Variants in ZBED4 observed in about 807,000 individuals in gnomAD.
ZBED4 encodes zinc finger BED domain-containing protein 4.
In ZBED4, 4 loss-of-function variants were observed where a neutral mutation model predicts 15.5. The observed-to-expected ratio is 0.26, with a 90% CI of 0.13 to 0.59. The LOEUF is 0.59. Ranked by LOEUF, ZBED4 falls within the 20% of genes least tolerant of loss-of-function variation. The probability of loss-of-function intolerance (pLI) is 0.90; values close to 1 mark genes in which losing one functional copy is unlikely to be tolerated. For synonymous variants in ZBED4, 692 were observed against 608.5 expected (o/e 1.14, Z -2.02); for missense variants, 1,323 against 1,461.8 (o/e 0.91, Z 1.55).
chr22:49,889,422 A>G lies in ZBED4; in HGVS notation c.*2244A>G, dbSNP rs765270997. ...CTCACTGTTTGGCCCTTTCCAGAATAGCAAGTTTGCTGGCCCTTGAGCTAG... is the reference window on the plus strand; with the variant it reads ...CTCACTGTTTGGCCCTTTCCAGAATGGCAAGTTTGCTGGCCCTTGAGCTAG... On this transcript the variant is annotated 3_prime_UTR_variant, in exon 2 of 2. Coordinates refer to ENST00000216268, the MANE Select transcript of ZBED4 (RefSeq NM_014838.3). 1 of 167,086 alleles carries G rather than the reference A, an allele frequency of 6.0e-6. No homozygotes were observed. The highest frequency in any genetic ancestry group is 1.5e-5 in the Non-Finnish European group (1 of 68,124). The allele number at this position is 167,086 out of a possible 1,614,324, so 10.4% of individuals were successfully genotyped here. A position where few individuals can be genotyped will look rare whatever the true frequency, so the allele number is the denominator to read the frequency against.
chr22:49,885,264 C>A lies in ZBED4; in HGVS notation c.1602C>A (p.Ser534=). 2 of 1,599,178 alleles carry A rather than the reference C, an allele frequency of 1.3e-6. No individual in the cohort carries two copies. Among genetic ancestry groups the A allele is most frequent in the South Asian group, 2.2e-5 (2 of 89,960 alleles). Residue 534 remains serine, a synonymous_variant, in exon 2 of 2, where the codon TCC becomes TCA. Coordinates refer to ENST00000216268, the MANE Select transcript of ZBED4 (RefSeq NM_014838.3). The part of the protein sequence containing the change: ...PYATLASAES[S]SSKLTDLPTV... Reference sequence around the variant, plus strand: ...CCACTTTGGCCTCTGCAGAAAGTTCCTCTTCCAAATTGACTGACTTGCCAA... The same window carrying A: ...CCACTTTGGCCTCTGCAGAAAGTTCATCTTCCAAATTGACTGACTTGCCAA...
At chr22:49,867,402 C>T (rs955263954) in intron 1 of ZBED4, among the ~76,000 whole-genome samples, 1 of 152,204 alleles carries the variant, frequency 6.6e-6, no homozygotes, top group Non-Finnish European at 1.5e-5. Context: ...CACTGCGGTG[C>T]ATCCACTGGG....
At chr22:49,877,788 CCTGA>C (rs1472127561) in intron 1 of ZBED4, among the ~76,000 whole-genome samples, 2 of 152,164 alleles carry the variant, frequency 1.3e-5, no homozygotes, top group Non-Finnish European at 2.9e-5. Flanking sequence ...ACACATCCCT[CCTGA>C]CTGTGTCTTC....
Position 49,855,581 on chromosome 22 carries a change from G to GGT in ZBED4, c.-330+1609_-330+1610dup, listed in dbSNP as rs143552178. On this transcript the variant is annotated intron_variant, in intron 1 of 1. Transcript: ENST00000216268. ...CTGAGAAGCAGCTTCTTTAGCGAAA[G>GGT]GTGTGTGTGTGTGTGTGTCTCAGAT... is the stretch of plus-strand genomic sequence containing the variant. 2.8e-3 allele frequency among the ~76,000 whole-genome samples: 431 copies of GGT among 151,688 alleles called. 1 individual carries two copies. The highest frequency in any genetic ancestry group is 0.01 in the Middle Eastern group (3 of 290).
intron 1 of ZBED4, among the ~76,000 whole-genome samples, chr22:49,863,926 A>G (rs1338381587): frequency 6.6e-6 from 1 of 152,206 alleles, no homozygotes; most frequent in African/African-American, 2.4e-5. Context: ...AGCCCCTACA[A>G]GCTGGCTCCT....
At chr22:49,855,393 T>G (rs2060270864) in intron 1 of ZBED4, among the ~76,000 whole-genome samples, 1 of 152,132 alleles carries the variant, frequency 6.6e-6, no homozygotes, top group African/African-American at 2.4e-5. Context: ...GTGGTTGATG[T>G]TGTTGGATGT....
At position 49,885,452 on chromosome 22, in the gene ZBED4, C is replaced by T; in HGVS notation, c.1790C>T (p.Thr597Ile). The T allele has an allele frequency of 1.9e-6, 3 of 1,611,576 alleles. No homozygotes were observed. The highest frequency in any genetic ancestry group is 2.5e-6 in the Non-Finnish European group (3 of 1,177,822). The change falls in exon 2 of 2, where the codon ACC (threonine) becomes ATC (isoleucine). Residue 597 changes from threonine to isoleucine, a missense_variant. Physicochemically the swap from Thr to Ile is moderately conservative, Grantham distance 89. Coordinates refer to ENST00000216268, the MANE Select transcript of ZBED4 (RefSeq NM_014838.3). ...SRGKKPTNLG[T>I]SCLLRHLQRF... Reference sequence around the variant, plus strand: ...GGGAAGAAGCCGACTAACTTGGGTACCAGCTGTCTTCTGAGACATTTACAG... The same window carrying T: ...GGGAAGAAGCCGACTAACTTGGGTATCAGCTGTCTTCTGAGACATTTACAG...
In ZBED4 at chr22:49,888,098, A is replaced by G. The variant is rs1158556588; in HGVS notation, c.*920A>G. ...CTTATTAACAGGGAAGAAGCTTGTTATATTCCAGTTGTAAGAATAGCCTTA... is the reference window on the plus strand; with the variant it reads ...CTTATTAACAGGGAAGAAGCTTGTTGTATTCCAGTTGTAAGAATAGCCTTA... On this transcript the variant is annotated 3_prime_UTR_variant, in exon 2 of 2. Transcript: ENST00000216268. 1 of 167,264 alleles carries G rather than the reference A, an allele frequency of 6.0e-6. No individual in the cohort carries two copies. Among genetic ancestry groups the G allele is most frequent in the Non-Finnish European group, 1.5e-5 (1 of 68,122 alleles). 10.4% of individuals were successfully genotyped at this position (167,264 alleles called of 1,614,324 possible). A position where few individuals can be genotyped will look rare whatever the true frequency, so the allele number is the denominator to read the frequency against.
Position 49,887,278 on chromosome 22 carries a change from C to T in ZBED4, c.*100C>T. On this transcript the variant is annotated 3_prime_UTR_variant, in exon 2 of 2. Transcript: ENST00000216268. Reference sequence around the variant, plus strand: ...CTCTGCCCACGGCTGTGTACGACATCAGACCAGGCACTCTCAGGGCCGCTC... The same window carrying T: ...CTCTGCCCACGGCTGTGTACGACATTAGACCAGGCACTCTCAGGGCCGCTC... 2.3e-6 allele frequency: 3 copies of T among 1,303,306 alleles called. No homozygotes were observed. Among genetic ancestry groups the T allele is most frequent in the Non-Finnish European group, 3.2e-6 (3 of 946,988 alleles). The allele number at this position is 1,303,306 out of a possible 1,614,324, so 80.7% of individuals were successfully genotyped here.
In ZBED4 at chr22:49,886,225, A is replaced by G; in HGVS notation, c.2563A>G (p.Lys855Glu). 1 of 881,886 alleles carries G rather than the reference A, an allele frequency of 1.1e-6. No individual in the cohort carries two copies. The highest frequency in any genetic ancestry group is 1.8e-6 in the Non-Finnish European group (1 of 545,196). 54.6% of individuals were successfully genotyped at this position (881,886 alleles called of 1,614,324 possible). The change falls in exon 2 of 2, where the codon AAG becomes GAG. Residue 855 changes from lysine to glutamate, a missense_variant. Physicochemically the swap from Lys to Glu is moderately conservative, Grantham distance 56. Transcript: ENST00000216268. This position sits in a 1 kb window ranked among gnomAD's most constrained non-coding sequence, Gnocchi z 7.7. The part of the protein sequence containing the change: ...MVQNLLSLAR[K>E]ICERVHRSPK... ...GCAGAACCTGCTGAGCCTCGCCCGG[A>G]AGATCTGCGAGCGGGTGCACCGGTC...
chr22:49,871,342 T>G (rs2060346442), intron 1 of ZBED4, among the ~76,000 whole-genome samples: 1 of 151,992 alleles, frequency 6.6e-6, no homozygotes, highest in Admixed American at 6.6e-5. Context: ...CAAAATTAGC[T>G]GGGTGTGGTG....
chr22:49,863,366 C>T lies in ZBED4; in HGVS notation c.-330+9377C>T, dbSNP rs140322047. Among the ~76,000 whole-genome samples the T allele has an allele frequency of 7.0e-3, 1,066 of 152,330 alleles. 9 individuals are homozygous for T. The highest frequency in any genetic ancestry group is 0.024 in the African/African-American group (996 of 41,580). ...TTTGTAGGCCGGGTGTGGTGGCTCA[C>T]GCCTGTAATCCCAGCACTTTGGGAG... On this transcript the variant is annotated intron_variant, in intron 1 of 1. Transcript: ENST00000216268.
chr22:49,860,715 C>T (rs2060293046), intron 1 of ZBED4, among the ~76,000 whole-genome samples: 1 of 151,196 alleles, frequency 6.6e-6, no homozygotes, highest in African/African-American at 2.4e-5. Flanking sequence ...AAATAATTAC[C>T]TGTTATAAAG....
intron 1 of ZBED4, among the ~76,000 whole-genome samples, chr22:49,860,747 C>T (rs563792794): frequency 1.3e-5 from 2 of 151,286 alleles, no homozygotes; most frequent in Non-Finnish European, 2.9e-5. Context: ...ATAAAAGCTA[C>T]CTTTCTTATC....
Position 49,885,848 on chromosome 22 carries a change from A to G in ZBED4, c.2186A>G (p.His729Arg). ...AAGGAAGCTGAGAGTGGTGTGATCC[A>G]CTTCACGTCTGGAATATGGATGAGT... Reference protein sequence around the residue: ...HLKEAESGVIHFTSGIWMSNQ... With the variant: ...HLKEAESGVIRFTSGIWMSNQ... The change falls in exon 2 of 2, where the codon CAC becomes CGC. Residue 729 changes from histidine to arginine, a missense_variant. Transcript: ENST00000216268. The G allele has an allele frequency of 6.8e-7, 1 of 1,474,812 alleles. No homozygotes were observed. The allele number at this position is 1,474,812 out of a possible 1,614,324, so 91.4% of individuals were successfully genotyped here.
chr22:49,855,454 CAGTG>C (rs2060271213), intron 1 of ZBED4, among the ~76,000 whole-genome samples: 1 of 152,194 alleles, frequency 6.6e-6, no homozygotes, highest in African/African-American at 2.4e-5. Flanking sequence ...TCCACACACA[CAGTG>C]AGTAACTCAG....
chr22:49,854,932 T>C (rs950986512), intron 1 of ZBED4, among the ~76,000 whole-genome samples: 1 of 152,232 alleles, frequency 6.6e-6, no homozygotes, highest in Non-Finnish European at 1.5e-5. Context: ...AGAAATGTTT[T>C]TTATTTTTTC....
intron 1 of ZBED4, among the ~76,000 whole-genome samples, chr22:49,874,774 C>T (rs1302856723): frequency 6.0e-5 from 9 of 149,208 alleles, no homozygotes; most frequent in African/African-American, 2.0e-4. Context: ...GACCTCCCGT[C>T]CAGGTTCAAG....
Position 49,856,604 on chromosome 22 carries a change from C to T in ZBED4, c.-330+2615C>T, listed in dbSNP as rs571428909. 9.8e-5 allele frequency among the ~76,000 whole-genome samples: 15 copies of T among 152,354 alleles called. No homozygotes were observed. In the South Asian group the frequency reaches 2.7e-3, roughly 27 times the overall value. On this transcript the variant is annotated intron_variant, in intron 1 of 1. Transcript: ENST00000216268. ...CCGGGTTGTTTCGGAATTCAGGGGACATGCAGCCTAAATGACCCACACTGG... is the reference window on the plus strand; with the variant it reads ...CCGGGTTGTTTCGGAATTCAGGGGATATGCAGCCTAAATGACCCACACTGG...
Sources: gnomAD v4.1 joint callset for allele counts (sites outside exome capture counted in the v4.1 genomes callset) on GRCh38, gnomAD v4.1.1 for gene constraint, Gnocchi (gnomAD v3.1) non-coding constraint, MANE v1.5 for transcripts, NCBI Gene and HGNC (gene_info 2026-07-23, HGNC 2026-07-21) for gene names.